Variants in WDR49 observed in about 807,000 individuals in gnomAD.
WDR49 encodes the protein cilia- and flagella-associated protein 337.
A neutral mutation model predicts 119.5 loss-of-function variants in WDR49; 107 were observed. The ratio of observed to expected loss-of-function variants is 0.90; its 90% confidence interval spans 0.77 to 1.05. The LOEUF is 1.05. Among genes scored for constraint, WDR49 ranks in the 50% least tolerant of loss-of-function variants. The pLI, the probability that WDR49 is intolerant of heterozygous loss-of-function variation, is 0.00. For synonymous variants in WDR49, 425 were observed against 418.8 expected, an observed-to-expected ratio of 1.01 and a Z score of -0.18; for missense variants, 1,240 against 1,220.5, an observed-to-expected ratio of 1.02 and a Z score of -0.24.
chr3:167,581,395 T>C (rs1714523159), intron 7 of WDR49, among the ~76,000 whole-genome samples: 1 of 152,184 alleles, frequency 6.6e-6, no homozygotes, highest in South Asian at 2.1e-4. Context: ...CTCATCTTTC[T>C]GCTGAAGGGG....
intron 8 of WDR49, among the ~76,000 whole-genome samples, chr3:167,565,119 T>C (rs972084290): frequency 6.6e-6 from 1 of 152,150 alleles, no homozygotes; most frequent in African/African-American, 2.4e-5. Context: ...AATGATGATA[T>C]CTCAGAGTAC....
intron 5 of WDR49, among the ~76,000 whole-genome samples, chr3:167,613,770 C>T (rs1303892260): frequency 6.6e-6 from 1 of 151,858 alleles, no homozygotes; most frequent in African/African-American, 2.4e-5. Flanking sequence ...CATGGCGAAA[C>T]CCCGTCTCTA....
intron 6 of WDR49, among the ~76,000 whole-genome samples, chr3:167,602,559 C>T (rs1715827822): frequency 1.3e-5 from 2 of 152,014 alleles, no homozygotes; most frequent in South Asian, 4.1e-4. Context: ...AAAAACCAAC[C>T]AACAGCCTAA....
At chr3:167,619,262 T>C (rs547652213) in intron 5 of WDR49, among the ~76,000 whole-genome samples, 14 of 152,258 alleles carry the variant, frequency 9.2e-5, no homozygotes, top group South Asian at 4.1e-4. Flanking sequence ...AAGAATACAA[T>C]GTTTTTCAGA....
At chr3:167,637,208 T>C (rs946031624) in intron 2 of WDR49, among the ~76,000 whole-genome samples, 2 of 151,962 alleles carry the variant, frequency 1.3e-5, no homozygotes, top group East Asian at 3.9e-4. Flanking sequence ...TTCTCCTACA[T>C]GTGGCTTGCC....
In WDR49 at chr3:167,479,130, G is replaced by A. The variant is rs1750596788; in HGVS notation, c.3032-134C>T. The stretch of plus-strand genomic sequence containing the variant: ...GTTTCTAAAACACAGAGTGTATTTG[G>A]AAAAATTTTCTCTAAGCTTCTGCTA... On this transcript the variant is annotated intron_variant, in intron 18 of 18. Transcript: ENST00000682715. 9 of 671,552 alleles carry A rather than the reference G, an allele frequency of 1.3e-5. No homozygotes were observed. The South Asian group carries it at 1.7e-4, about 13-fold the overall frequency. The allele number at this position is 671,552 out of a possible 1,614,324, so 41.6% of individuals were successfully genotyped here.
At chr3:167,561,784 C>T (rs138335472) in intron 8 of WDR49, among the ~76,000 whole-genome samples, 5 of 152,014 alleles carry the variant, frequency 3.3e-5, no homozygotes, top group South Asian at 2.1e-4. Context: ...ATTTTACCAA[C>T]GACAAAATTG....
rs759019562 is a variant in WDR49, at chr3:167,604,410, A to G, written c.1017T>C (p.Ser339=). The change falls in exon 6 of 19, where the codon AGT becomes AGC. Residue 339 remains serine, a synonymous_variant. Transcript: ENST00000682715. Reference sequence around the variant, plus strand: ...ATTTCTCTCTCCAAGCCATCACCACACTATTTGTATTGCTGGTTGTACTGG... The same window carrying G: ...ATTTCTCTCTCCAAGCCATCACCACGCTATTTGTATTGCTGGTTGTACTGG... The part of the protein sequence containing the change: ...IISSTTSNTN[S]VVMAWREKSK... The G allele has an allele frequency of 6.2e-7, 1 of 1,613,646 alleles. No individual in the cohort carries two copies. The highest frequency in any genetic ancestry group is 8.5e-7 in the Non-Finnish European group (1 of 1,179,848).
chr3:167,489,643 C>T (rs1751054569), intron 18 of WDR49, among the ~76,000 whole-genome samples: 1 of 152,010 alleles, frequency 6.6e-6, no homozygotes, highest in Non-Finnish European at 1.5e-5. Flanking sequence ...ATTCAAGGAT[C>T]TTAACATAGA....
Position 167,602,124 on chromosome 3 carries a change from T to A in WDR49, c.1275+3A>T, listed in dbSNP as rs745315260. On this transcript the variant is annotated splice_donor_region_variant and intron_variant, in intron 7 of 18. Coordinates refer to ENST00000682715, the MANE Select transcript of WDR49 (RefSeq NM_001366157.1). ...AATTAATTAAAAGCACAATGTTACT[T>A]ACTTTATCCTTGGAGAAGCTGAAAA... The A allele has an allele frequency of 3.8e-6, 6 of 1,585,418 alleles. No homozygotes were observed. The highest frequency in any genetic ancestry group is 5.2e-6 in the Non-Finnish European group (6 of 1,159,262).
chr3:167,543,279 A>G (rs570276748), intron 10 of WDR49, among the ~76,000 whole-genome samples: 2 of 152,246 alleles, frequency 1.3e-5, no homozygotes, highest in East Asian at 3.9e-4. Flanking sequence ...TATCTTCCCT[A>G]AATCATTCTA....
At chr3:167,519,082 C>G (rs1289999774) in intron 16 of WDR49, among the ~76,000 whole-genome samples, 2 of 152,158 alleles carry the variant, frequency 1.3e-5, no homozygotes, top group East Asian at 1.9e-4. Context: ...GAGATACCAT[C>G]TCATGCCAGT....
chr3:167,620,674 T>A (rs1716825797), intron 4 of WDR49, 71 bp from the exon 5 acceptor site: 1 of 1,407,744 alleles, frequency 7.1e-7, no homozygotes, highest in African/African-American at 1.4e-5. Context: ...TAGGTTATTT[T>A]AGTTTAATAA....
intron 8 of WDR49, among the ~76,000 whole-genome samples, chr3:167,567,871 C>A (rs935087920): frequency 6.6e-6 from 1 of 152,142 alleles, no homozygotes; most frequent in Non-Finnish European, 1.5e-5. Context: ...ATTGAAGGAA[C>A]CAGTTCAGAA....
chr3:167,565,950 A>G (rs1713570586), intron 8 of WDR49, among the ~76,000 whole-genome samples: 1 of 152,190 alleles, frequency 6.6e-6, no homozygotes, highest in Non-Finnish European at 1.5e-5. Context: ...AAATTCTACA[A>G]GGGATGTATT....
intron 9 of WDR49, among the ~76,000 whole-genome samples, chr3:167,557,562 A>G (rs931765963): frequency 2.6e-5 from 4 of 152,104 alleles, no homozygotes; most frequent in Non-Finnish European, 5.9e-5. Context: ...AAGTTGCCTT[A>G]ACTCCTTGGG....
Position 167,620,541 on chromosome 3 carries a change from A to G in WDR49, c.846T>C (p.Cys282=). 6.5e-7 allele frequency: 1 copy of G among 1,535,692 alleles called. No individual in the cohort carries two copies. The highest frequency in any genetic ancestry group is 8.7e-7 in the Non-Finnish European group (1 of 1,146,616). ...TGGTCATAGTGGCTTCTCCATCTTC[A>G]CATGCACTAGCAGGCCGTTCAAACA... The part of the protein sequence containing the change: ...ISLFERPASA[C]EDGEATMTIN... Residue 282 remains cysteine, a synonymous_variant, in exon 5 of 19, where the codon TGT becomes TGC. Transcript: ENST00000682715.
intron 2 of WDR49, among the ~76,000 whole-genome samples, chr3:167,650,228 T>G (rs897314756): frequency 6.6e-6 from 1 of 152,184 alleles, no homozygotes; most frequent in African/African-American, 2.4e-5. Context: ...CAGCTACTCT[T>G]CCTCAAACAA....
chr3:167,572,870 C>T (rs1193164288), intron 8 of WDR49, among the ~76,000 whole-genome samples: 2 of 152,140 alleles, frequency 1.3e-5, no homozygotes, highest in South Asian at 2.1e-4. Flanking sequence ...ACTGCAATGG[C>T]GAAGAAGAGA....
Sources: gnomAD v4.1 joint callset for allele counts (sites outside exome capture counted in the v4.1 genomes callset) on GRCh38, gnomAD v4.1.1 for gene constraint, MANE v1.5 for transcripts, NCBI Gene and HGNC (gene_info 2026-07-23, HGNC 2026-07-21) for gene names.